ZDHHC7: variants seen among roughly 807,000 people sequenced by gnomAD.
ZDHHC7 encodes the protein zDHHC palmitoyltransferase 7, also known as palmitoyltransferase ZDHHC7.
In ZDHHC7, 12 loss-of-function variants were observed where a neutral mutation model predicts 34.1. The observed-to-expected ratio is 0.35, with a 90% CI of 0.23 to 0.57. ZDHHC7 has a LOEUF of 0.57. Among genes scored for constraint, ZDHHC7 ranks in the 20% least tolerant of loss-of-function variants. ZDHHC7 has a pLI of 0.84. For missense variants in ZDHHC7, 388 were observed against 402.7 expected (o/e 0.96, Z 0.31); for synonymous variants, 185 against 155.4 (o/e 1.19, Z -1.42).
intron 1 of ZDHHC7, among the ~76,000 whole-genome samples, chr16:85,002,703 C>A (rs1238042346): frequency 6.6e-6 from 1 of 151,928 alleles, no homozygotes; most frequent in Non-Finnish European, 1.5e-5. Flanking sequence ...TGAATTTTAT[C>A]GATAGGAGAA....
chr16:84,996,299 C>A (rs892905775), intron 1 of ZDHHC7, among the ~76,000 whole-genome samples: 1 of 152,164 alleles, frequency 6.6e-6, no homozygotes, highest in Non-Finnish European at 1.5e-5. Context: ...AGAAAAATCC[C>A]CTAGGGCAGA....
At chr16:84,999,220 C>A (rs1006661283) in intron 1 of ZDHHC7, among the ~76,000 whole-genome samples, 2 of 152,254 alleles carry the variant, frequency 1.3e-5, no homozygotes, top group South Asian at 4.1e-4. Context: ...TCGCAAGCAT[C>A]AGGTCTACAC....
chr16:85,011,720 G>A (rs1220506066), upstream of ZDHHC7, among the ~76,000 whole-genome samples: 1 of 152,202 alleles, frequency 6.6e-6, no homozygotes, highest in African/African-American at 2.4e-5. Flanking sequence ...ACTGAAGTCC[G>A]GAGGAGAAAG....
At position 84,979,110 on chromosome 16, in the gene ZDHHC7, G is replaced by T. The variant is rs1001680516; in HGVS notation, c.537+79C>A. On this transcript the variant is annotated intron_variant, in intron 5 of 7. Transcript: ENST00000313732. ...GAGAGAAACTGGCCTGACGTTAGTA[G>T]ATTTCTCTGCTCCAGGCAAGAAGCA... 3 of 1,403,170 alleles carry T rather than the reference G, an allele frequency of 2.1e-6. No individual in the cohort carries two copies. The African/African-American group carries it at 4.4e-5, about 21-fold the overall frequency. 86.9% of individuals were successfully genotyped at this position (1,403,170 alleles called of 1,614,324 possible).
At chr16:84,982,792 C>T (rs1176614179) in intron 3 of ZDHHC7, among the ~76,000 whole-genome samples, 2 of 152,242 alleles carry the variant, frequency 1.3e-5, no homozygotes, top group Non-Finnish European at 2.9e-5. Flanking sequence ...ATCTGTGCCC[C>T]AAGTGCTAGA....
the ZDHHC7 span, among the ~76,000 whole-genome samples, chr16:85,022,768 C>T: frequency 6.6e-6 from 1 of 152,174 alleles, no homozygotes; most frequent in South Asian, 2.1e-4. Flanking sequence ...GACAAATAGA[C>T]AGTATGTGCC....
chr16:84,989,694 CAAAAAAA>C (rs35823318), intron 3 of ZDHHC7, among the ~76,000 whole-genome samples: 13,256 of 96,538 alleles, frequency 0.14, 724 homozygotes, highest in South Asian at 0.24. Context: ...AACTCCGTCT[CAAAAAAA>C]AAAAAAAAAA....
intron 1 of ZDHHC7, among the ~76,000 whole-genome samples, chr16:84,998,013 T>G (rs1398675112): frequency 7.4e-6 from 1 of 136,034 alleles, no homozygotes; most frequent in Non-Finnish European, 1.6e-5. Flanking sequence ...GTAATCCCAG[T>G]ACTTTGGGAG....
At chr16:84,990,239 C>T in intron 3 of ZDHHC7, 65 bp downstream of exon 3, 2 of 1,554,714 alleles carry the variant, frequency 1.3e-6, no homozygotes, top group South Asian at 1.2e-5. Flanking sequence ...TCCAAAGGGT[C>T]AGCCACACCC....
chr16:84,974,665 T>TGCAAA lies in ZDHHC7; in HGVS notation c.*1673_*1677dup, dbSNP rs2072271279. 1 of 152,718 alleles carries TGCAAA rather than the reference T, an allele frequency of 6.5e-6. No individual in the cohort carries two copies. Among genetic ancestry groups the TGCAAA allele is most frequent in the African/African-American group, 2.4e-5 (1 of 41,472 alleles). The allele number at this position is 152,718 out of a possible 1,614,324, so 9.5% of individuals were successfully genotyped here. A position where few individuals can be genotyped will look rare whatever the true frequency, so the allele number is the denominator to read the frequency against. ...CGCATGTCCAACCCAGACAACAATG[T>TGCAAA]GCAAATGAATATGCAGAACAATCTC... is the stretch of plus-strand genomic sequence containing the variant. On this transcript the variant is annotated 3_prime_UTR_variant, in exon 8 of 8. Transcript: ENST00000313732.
intron 1 of ZDHHC7, among the ~76,000 whole-genome samples, chr16:85,010,078 C>G (rs914645771): frequency 8.2e-5 from 12 of 146,440 alleles, no homozygotes; most frequent in African/African-American, 3.1e-4. Flanking sequence ...GGATCTCACT[C>G]TGTTGCCCAG....
At chr16:84,994,617 G>A (rs948823765) in intron 2 of ZDHHC7, among the ~76,000 whole-genome samples, 15 of 152,220 alleles carry the variant, frequency 9.9e-5, no homozygotes, top group Non-Finnish European at 2.9e-5. Context: ...ACGGAGTGCA[G>A]GATGCTGCTG....
chr16:84,993,890 C>A (rs541548364), intron 2 of ZDHHC7, among the ~76,000 whole-genome samples: 16 of 152,150 alleles, frequency 1.1e-4, no homozygotes, highest in Admixed American at 9.8e-4. Flanking sequence ...GCAAGCCAAC[C>A]TGAAAAGGGA....
In ZDHHC7 at chr16:85,011,403, G is replaced by C. The variant is rs945346134; in HGVS notation, c.-221C>G. The C allele has an allele frequency of 6.5e-6, 1 of 152,718 alleles. No homozygotes were observed. Among genetic ancestry groups the C allele is most frequent in the African/African-American group, 2.4e-5 (1 of 41,430 alleles). The allele number at this position is 152,718 out of a possible 1,614,324, so 9.5% of individuals were successfully genotyped here. On this transcript the variant is annotated 5_prime_UTR_variant, in exon 1 of 8. Transcript: ENST00000313732. ...ATGCGGCCGCGCTCATGGCCGGGCT[G>C]GAGCGGGCCCCGCGGCTCGGCTCGG...
chr16:85,010,382 T>C (rs909037958), intron 1 of ZDHHC7, among the ~76,000 whole-genome samples: 82 of 152,014 alleles, frequency 5.4e-4, no homozygotes, highest in African/African-American at 1.8e-3. Flanking sequence ...CTGTAAAACA[T>C]AACAAAAAAG....
chr16:84,997,914 A>AG (rs2072602349), intron 1 of ZDHHC7, among the ~76,000 whole-genome samples: 1 of 150,008 alleles, frequency 6.7e-6, no homozygotes, highest in East Asian at 2.0e-4. Context: ...AAAAAAAAAA[A>AG]AAAATAGAAA....
intron 1 of ZDHHC7, among the ~76,000 whole-genome samples, chr16:84,996,969 T>A (rs572415810): frequency 2.8e-4 from 41 of 147,866 alleles, no homozygotes; most frequent in African/African-American, 1.0e-3. Flanking sequence ...GAGGTTGCAG[T>A]AAGCCAAGAT....
intron 2 of ZDHHC7, among the ~76,000 whole-genome samples, chr16:84,993,297 G>T (rs2072534222): frequency 6.6e-6 from 1 of 152,072 alleles, no homozygotes; most frequent in Non-Finnish European, 1.5e-5. Flanking sequence ...CTCCAGCCTG[G>T]ATGACAGAGA....
chr16:84,982,997 A>G (rs186689083), intron 3 of ZDHHC7, among the ~76,000 whole-genome samples: 16 of 152,324 alleles, frequency 1.1e-4, no homozygotes, highest in Middle Eastern at 3.4e-3. Context: ...AGTGGAGATA[A>G]GTCATCAAAA....
Sources: allele counts gnomAD v4.1 joint callset (sites outside exome capture counted in the v4.1 genomes callset), GRCh38; gene constraint gnomAD v4.1.1; transcripts MANE v1.5; gene names NCBI Gene and HGNC (gene_info 2026-07-23, HGNC 2026-07-21).